CBY1: variants seen among roughly 807,000 people sequenced by gnomAD.
CBY1 encodes protein chibby homolog 1.
A neutral mutation model predicts 15.6 loss-of-function variants in CBY1; 10 were observed. The observed-to-expected ratio is 0.64, with a 90% confidence interval of 0.40 to 1.09. The LOEUF is 1.09. CBY1 is among the 50% of genes least tolerant of loss of function. The probability of loss-of-function intolerance (pLI) is 0.01; values close to 1 mark genes in which losing one functional copy is unlikely to be tolerated. For missense variants in CBY1, 150 were observed against 160.5 expected, an observed-to-expected ratio of 0.93 and a Z score of 0.35; for synonymous variants, 61 against 63.5, an observed-to-expected ratio of 0.96 and a Z score of 0.19.
chr22:38,666,231 A>ATTT (rs1176072342), intron 1 of CBY1, among the ~76,000 whole-genome samples: 18 of 127,732 alleles, frequency 1.4e-4, no homozygotes, highest in South Asian at 2.7e-4. Context: ...ATATATATAT[A>ATTT]TATTTTTTTT....
At chr22:38,660,724 C>T (rs1187746577) in intron 1 of CBY1, among the ~76,000 whole-genome samples, 1 of 151,940 alleles carries the variant, frequency 6.6e-6, no homozygotes, top group African/African-American at 2.4e-5. Flanking sequence ...CAAACCCTAG[C>T]ATTTTCATCT....
At position 38,673,257 on chromosome 22, in the gene CBY1, G is replaced by T; in HGVS notation, c.*21G>T. The T allele has an allele frequency of 6.5e-7, 1 of 1,547,212 alleles. No individual in the cohort carries two copies. The highest frequency in any genetic ancestry group is 8.9e-7 in the Non-Finnish European group (1 of 1,119,540). ...AATGAAGACCCCAGAGACATTTATT[G>T]GGGAGTAGGATGTGGCTGAGTGCTT... On this transcript the variant is annotated 3_prime_UTR_variant, in exon 5 of 5. Coordinates refer to ENST00000216029, the MANE Select transcript of CBY1 (RefSeq NM_015373.4).
At chr22:38,668,252 T>C in intron 2 of CBY1, 120 bp downstream of exon 2, 2 of 629,608 alleles carry the variant, frequency 3.2e-6, no homozygotes, top group East Asian at 2.8e-5. Context: ...TTTCCGTCCA[T>C]ATCATTGCTA....
At chr22:38,660,589 A>C (rs2092419340) in intron 1 of CBY1, among the ~76,000 whole-genome samples, 1 of 151,746 alleles carries the variant, frequency 6.6e-6, no homozygotes, top group South Asian at 2.1e-4. Context: ...ATATGTATAT[A>C]CACGTATACC....
Position 38,671,110 on chromosome 22 carries a change from G to C in CBY1, c.225G>C (p.Gln75His), listed in dbSNP as rs2092451193. The C allele has an allele frequency of 6.2e-7, 1 of 1,614,116 alleles. No individual in the cohort carries two copies. The highest frequency in any genetic ancestry group is 1.3e-5 in the African/African-American group (1 of 74,936). ...GCGGTGTGGACCGGAGGGAGGTTCAGCGCCTTCGCAGGCGGAACCAGCAGT... is the reference window on the plus strand; with the variant it reads ...GCGGTGTGGACCGGAGGGAGGTTCACCGCCTTCGCAGGCGGAACCAGCAGT... The part of the protein sequence containing the change: ...VSGGVDRREV[Q>H]RLRRRNQQLE... Residue 75 changes from glutamine (Q) to histidine (H), a missense_variant, in exon 4 of 5, where the codon CAG becomes CAC. Transcript: ENST00000216029.
At chr22:38,672,884 T>G (rs1254885277) in intron 4 of CBY1, among the ~76,000 whole-genome samples, 2 of 152,180 alleles carry the variant, frequency 1.3e-5, no homozygotes, top group Non-Finnish European at 2.9e-5. Context: ...GCCTTTGACG[T>G]CCTCTGAGAC....
chr22:38,673,278 T>A lies in CBY1; in HGVS notation c.*42T>A, dbSNP rs375402280. On this transcript the variant is annotated 3_prime_UTR_variant, in exon 5 of 5. Coordinates refer to ENST00000216029, the MANE Select transcript of CBY1 (RefSeq NM_015373.4). Reference sequence around the variant, plus strand: ...TATTGGGGAGTAGGATGTGGCTGAGTGCTTTTTTTTTGGCCAGACTAGCGG... The same window carrying A: ...TATTGGGGAGTAGGATGTGGCTGAGAGCTTTTTTTTTGGCCAGACTAGCGG... 221 of 1,404,932 alleles carry A rather than the reference T, an allele frequency of 1.6e-4. No individual in the cohort carries two copies. The highest frequency in any genetic ancestry group is 2.0e-4 in the Non-Finnish European group (196 of 991,618). The allele number at this position is 1,404,932 out of a possible 1,614,324, so 87.0% of individuals were successfully genotyped here. A position where few individuals can be genotyped will look rare whatever the true frequency, so the allele number is the denominator to read the frequency against.
At chr22:38,657,099 T>C in intron 1 of CBY1, 4 of 983,316 alleles carry the variant, frequency 4.1e-6, no homozygotes, top group Non-Finnish European at 4.8e-6. Context: ...TCTTTGAGAA[T>C]CCGATGAAAA....
intron 4 of CBY1, chr22:38,671,512 C>A: frequency 2.9e-6 from 1 of 339,816 alleles, no homozygotes; most frequent in Non-Finnish European, 5.6e-6. Flanking sequence ...AGGATAATGG[C>A]AGGAATAGAG....
intron 1 of CBY1, among the ~76,000 whole-genome samples, chr22:38,661,365 A>G (rs1403260760): frequency 6.6e-6 from 1 of 152,070 alleles, no homozygotes; most frequent in Non-Finnish European, 1.5e-5. Flanking sequence ...TAGTAGAGAC[A>G]GGGTTTCACC....
chr22:38,668,203 A>G, intron 2 of CBY1, 71 bp downstream of exon 2: 2 of 926,020 alleles, frequency 2.2e-6, no homozygotes, highest in Non-Finnish European at 3.6e-6. Flanking sequence ...CTGAATGGAA[A>G]GTGTGGTCCT....
intron 1 of CBY1, among the ~76,000 whole-genome samples, chr22:38,659,568 A>T (rs1187073806): frequency 1.3e-5 from 2 of 152,050 alleles, no homozygotes; most frequent in Non-Finnish European, 2.9e-5. Flanking sequence ...CAATTTTATT[A>T]TAAGAATGTG....
chr22:38,672,755 C>A (rs2092456882), intron 4 of CBY1, among the ~76,000 whole-genome samples: 1 of 152,136 alleles, frequency 6.6e-6, no homozygotes, highest in African/African-American at 2.4e-5. Flanking sequence ...AACAAAAAAA[C>A]CCTAAGGAGG....
At position 38,673,250 on chromosome 22, in the gene CBY1, AT is replaced by A. The variant is rs1193783076; in HGVS notation, c.*17del. ...AAGAGAAAATGAAGACCCCAGAGAC[AT>A]TTATTGGGGAGTAGGATGTGGCTGA... On this transcript the variant is annotated 3_prime_UTR_variant, in exon 5 of 5. Coordinates refer to ENST00000216029, the MANE Select transcript of CBY1 (RefSeq NM_015373.4). 1 of 1,568,210 alleles carries A rather than the reference AT, an allele frequency of 6.4e-7. No individual in the cohort carries two copies.
intron 2 of CBY1, 200 bp downstream of exon 2, chr22:38,668,332 A>C (rs2092442997): frequency 3.8e-6 from 2 of 523,350 alleles, no homozygotes; most frequent in African/African-American, 2.0e-5. Flanking sequence ...GAACCTAAGA[A>C]GACAATCTCA....
chr22:38,672,504 TG>T lies in CBY1; in HGVS notation c.304-651del, dbSNP rs549237373. On this transcript the variant is annotated intron_variant, in intron 4 of 4. Transcript: ENST00000216029. ...CTAATTTTTGCATTTTTAGTAGAGA[TG>T]GGGTTTCACCATGTTGGCCAGGCTG... 5.6e-3 allele frequency among the ~76,000 whole-genome samples: 857 copies of T among 151,800 alleles called. 1 individual carries two copies. The highest frequency in any genetic ancestry group is 8.3e-3 in the Non-Finnish European group (565 of 67,932).
intron 1 of CBY1, among the ~76,000 whole-genome samples, chr22:38,659,166 C>T (rs1324435482): frequency 6.6e-6 from 1 of 151,746 alleles, no homozygotes; most frequent in Admixed American, 6.6e-5. Flanking sequence ...GAACTCCTGG[C>T]GTCAAGTGAT....
intron 1 of CBY1, among the ~76,000 whole-genome samples, chr22:38,664,891 T>A (rs1178627082): frequency 1.3e-5 from 2 of 151,876 alleles, no homozygotes; most frequent in East Asian, 2.0e-4. Context: ...TTGCCCAGAC[T>A]GAAGTGTGCA....
intron 1 of CBY1, among the ~76,000 whole-genome samples, chr22:38,659,887 G>C (rs2092417290): frequency 6.9e-6 from 1 of 144,604 alleles, no homozygotes; most frequent in Non-Finnish European, 1.5e-5. Context: ...AAAAAAGAAT[G>C]TGCCACAAAT....
Sources: gnomAD v4.1 joint callset for allele counts (sites outside exome capture counted in the v4.1 genomes callset) on GRCh38, gnomAD v4.1.1 for gene constraint, MANE v1.5 for transcripts, NCBI Gene and HGNC (gene_info 2026-07-23, HGNC 2026-07-21) for gene names.